Variants in OPHN1 observed in about 807,000 individuals in gnomAD.
The protein encoded by OPHN1 is oligophrenin-1.
OPHN1 carries 11 observed loss-of-function variants against 60.7 expected under a neutral mutation model. That is an observed-to-expected ratio of 0.18 (90% confidence interval 0.11 to 0.30). The LOEUF is 0.30. OPHN1 is among the 10% of genes least tolerant of loss of function. OPHN1 has a pLI of 1.00. For synonymous variants in OPHN1, 226 were observed against 222.6 expected (o/e 1.02, Z -0.14); for missense variants, 449 against 611.0 (o/e 0.73, Z 2.80).
intron 16 of OPHN1, among the ~76,000 whole-genome samples, chrX:68,118,527 C>A (rs1425655666): frequency 1.8e-5 from 2 of 111,576 alleles, no homozygotes; most frequent in South Asian, 3.7e-4. Context: ...GGCTCAAGAA[C>A]ACAATCATTG....
intron 5 of OPHN1, among the ~76,000 whole-genome samples, chrX:68,263,833 A>C (rs945374543): frequency 1.8e-5 from 2 of 112,013 alleles, no homozygotes; most frequent in Non-Finnish European, 3.8e-5. Flanking sequence ...AAAAATAAAT[A>C]AGTGGTCAAA....
intron 15 of OPHN1, among the ~76,000 whole-genome samples, chrX:68,134,170 G>A (rs2077209633): frequency 9.1e-6 from 1 of 109,723 alleles, no homozygotes; most frequent in Admixed American, 9.8e-5. Context: ...GTGAGACTCT[G>A]TCTCAAAGAA....
At chrX:68,317,435 A>C in intron 2 of OPHN1, among the ~76,000 whole-genome samples, 1 of 93,146 alleles carries the variant, frequency 1.1e-5, no homozygotes, top group African/African-American at 4.0e-5. Context: ...AGCGAGGGGA[A>C]AAGAAAAGAA....
chrX:68,103,237 A>T (rs2077067222), intron 18 of OPHN1, among the ~76,000 whole-genome samples: 1 of 112,374 alleles, frequency 8.9e-6, no homozygotes, highest in Non-Finnish European at 1.9e-5. Context: ...GCAAATCAAT[A>T]AATGTAATCC....
intron 2 of OPHN1, among the ~76,000 whole-genome samples, chrX:68,426,382 G>A (rs1432735596): frequency 4.7e-5 from 5 of 106,140 alleles, no homozygotes; most frequent in African/African-American, 3.3e-5. Flanking sequence ...TGGAGGTTGC[G>A]GTGAGCCGAG....
chrX:68,081,099 G>A (rs1386231550), intron 19 of OPHN1, among the ~76,000 whole-genome samples: 1 of 111,920 alleles, frequency 8.9e-6, no homozygotes, highest in Non-Finnish European at 1.9e-5. Flanking sequence ...CTAGGGCTGA[G>A]TAGGGCACGA....
At chrX:68,295,198 C>A (rs955287693) in intron 3 of OPHN1, among the ~76,000 whole-genome samples, 1 of 112,044 alleles carries the variant, frequency 8.9e-6, no homozygotes, top group African/African-American at 3.2e-5. Context: ...GAACTAAATA[C>A]TATTTAAGGT....
chrX:68,107,827 G>T (rs2147422985), intron 18 of OPHN1, among the ~76,000 whole-genome samples: 1 of 112,011 alleles, frequency 8.9e-6, no homozygotes, highest in South Asian at 3.8e-4. Flanking sequence ...GGTGGTGTCT[G>T]CCAGATAGGT....
chrX:68,270,769 C>G (rs1431545177), intron 5 of OPHN1, among the ~76,000 whole-genome samples: 1 of 111,108 alleles, frequency 9.0e-6, no homozygotes, highest in African/African-American at 3.3e-5. Context: ...CTCAAACTAA[C>G]AGAAGATCAG....
intron 23 of OPHN1, among the ~76,000 whole-genome samples, chrX:68,051,950 G>C (rs774603061): frequency 2.0e-3 from 221 of 111,895 alleles, no homozygotes; most frequent in Non-Finnish European, 3.6e-3. Context: ...GACAACTATG[G>C]GGACACAGGC....
chrX:68,417,099 T>G (rs1286966387), intron 2 of OPHN1, among the ~76,000 whole-genome samples: 2 of 109,081 alleles, frequency 1.8e-5, no homozygotes, highest in East Asian at 5.8e-4. Flanking sequence ...ATTTATTTAT[T>G]TATTTATTTA....
intron 2 of OPHN1, among the ~76,000 whole-genome samples, chrX:68,403,005 TAGAA>T (rs768499200): frequency 1.8e-5 from 2 of 112,253 alleles, no homozygotes; most frequent in African/African-American, 6.5e-5. Flanking sequence ...ATAGCCTGCC[TAGAA>T]AGAATGACAG....
intron 6 of OPHN1, among the ~76,000 whole-genome samples, chrX:68,234,247 G>C (rs972699618): frequency 2.7e-5 from 3 of 111,433 alleles, no homozygotes; most frequent in African/African-American, 9.8e-5. Context: ...TCTTCTTACA[G>C]ATAATGGAAT....
rs748411010 is a variant in OPHN1, at chrX:68,353,043, T to G, written c.155-53947A>C. ...GGCTTGCACCTGTGGTCCCAGTTAC[T>G]CAGGAGGTTGAGGTGGGAGGATCAC... On this transcript the variant is annotated intron_variant, in intron 2 of 24. Coordinates refer to ENST00000355520, the MANE Select transcript of OPHN1 (RefSeq NM_002547.3). 1.2e-3 allele frequency among the ~76,000 whole-genome samples: 134 copies of G among 108,733 alleles called. 1 individual carries two copies. Among genetic ancestry groups the G allele is most frequent in the African/African-American group, 4.3e-3 (127 of 29,856 alleles). 94.4% of individuals were successfully genotyped at this position (108,733 alleles called of 115,157 possible).
intron 6 of OPHN1, among the ~76,000 whole-genome samples, chrX:68,217,942 G>A (rs940302062): frequency 3.7e-5 from 3 of 82,047 alleles, no homozygotes; most frequent in East Asian, 4.4e-4. Context: ...TGACTTTGAC[G>A]AGCTGAGAGA....
chrX:68,246,011 G>T (rs1358443284), intron 5 of OPHN1, among the ~76,000 whole-genome samples: 1 of 110,958 alleles, frequency 9.0e-6, no homozygotes, highest in East Asian at 2.8e-4. Flanking sequence ...CACCATGTTG[G>T]CCAGGCTGGT....
intron 15 of OPHN1, among the ~76,000 whole-genome samples, chrX:68,162,562 A>G (rs970439775): frequency 9.0e-6 from 1 of 110,522 alleles, no homozygotes; most frequent in African/African-American, 3.3e-5. Context: ...ATTAGAGTAC[A>G]TACAGAGTAG....
At chrX:68,216,057 A>C (rs1277223953) in intron 6 of OPHN1, among the ~76,000 whole-genome samples, 1 of 111,882 alleles carries the variant, frequency 8.9e-6, no homozygotes, top group African/African-American at 3.2e-5. Context: ...ATTGTATCTT[A>C]CAAATAAGTA....
intron 2 of OPHN1, among the ~76,000 whole-genome samples, chrX:68,331,575 A>T (rs1404077392): frequency 2.8e-5 from 3 of 108,411 alleles, no homozygotes; most frequent in Non-Finnish European, 5.7e-5. Context: ...CTACTAAAAA[A>T]ACAAAATCAG....
Sources: allele counts gnomAD v4.1 joint callset (sites outside exome capture counted in the v4.1 genomes callset), GRCh38; gene constraint gnomAD v4.1.1; transcripts MANE v1.5; gene names NCBI Gene and HGNC (gene_info 2026-07-23, HGNC 2026-07-21).